The following USP47 variants were observed in gnomAD, a reference collection of about 807,000 sequenced individuals.
USP47 encodes the protein ubiquitin carboxyl-terminal hydrolase 47.
In USP47, 35 loss-of-function variants were observed where a neutral mutation model predicts 165.1. That is an observed-to-expected ratio of 0.21 (90% CI 0.16 to 0.28). The LOEUF (loss-of-function observed/expected upper bound fraction) is 0.28, where lower values mean the gene tolerates loss of function less well. Among genes scored for constraint, USP47 ranks in the 10% least tolerant of loss-of-function variants. The probability of loss-of-function intolerance (pLI) is 1.00; values close to 1 mark genes in which losing one functional copy is unlikely to be tolerated. For missense variants in USP47, 1,277 were observed against 1,607.4 expected, an observed-to-expected ratio of 0.79 and a Z score of 3.52; for synonymous variants, 531 against 544.5, an observed-to-expected ratio of 0.98 and a Z score of 0.35.
In USP47 at chr11:11,957,190, G is replaced by A. The variant is rs1172948246; in HGVS notation, c.*1015G>A. The A allele has an allele frequency of 6.6e-6, 1 of 152,152 alleles. No homozygotes were observed. Among genetic ancestry groups the A allele is most frequent in the African/African-American group, 2.4e-5 (1 of 41,436 alleles). 9.4% of individuals were successfully genotyped at this position (152,152 alleles called of 1,614,324 possible). A position where few individuals can be genotyped will look rare whatever the true frequency, so the allele number is the denominator to read the frequency against. ...CAAGTTTGAATCTTCTAGAATGCTTGTAAGTCCAGTTTTAATTTTTAGAGT... is the reference window on the plus strand; with the variant it reads ...CAAGTTTGAATCTTCTAGAATGCTTATAAGTCCAGTTTTAATTTTTAGAGT... On this transcript the variant is annotated 3_prime_UTR_variant, in exon 28 of 28. Coordinates refer to ENST00000527733, the MANE Select transcript of USP47 (RefSeq NM_001282659.2).
At chr11:11,911,529 T>C (rs2134515893) in intron 8 of USP47, among the ~76,000 whole-genome samples, 1 of 152,232 alleles carries the variant, frequency 6.6e-6, no homozygotes, top group South Asian at 2.1e-4. Context: ...TGTTACATTG[T>C]AATAAAAGTG....
At chr11:11,861,334 G>A (rs1000261045) in intron 1 of USP47, among the ~76,000 whole-genome samples, 11 of 152,124 alleles carry the variant, frequency 7.2e-5, no homozygotes, top group African/African-American at 2.7e-4. Context: ...GACCTCGGGT[G>A]ATTCGGCTGC....
chr11:11,887,932 A>G lies in USP47; in HGVS notation c.357+3352A>G, dbSNP rs1590307624. Among the ~76,000 whole-genome samples, 11 of 152,242 alleles carry G rather than the reference A, an allele frequency of 7.2e-5. 2 individuals carry two copies. Among genetic ancestry groups the G allele is most frequent in the South Asian group, 2.1e-4 (1 of 4,826 alleles). ...GAAATTCACTCAAAACCACATGACT[A>G]CAAAATTGAACAACCTGCTCCCAAA... is the stretch of plus-strand genomic sequence containing the variant. On this transcript the variant is annotated intron_variant, in intron 3 of 27. Coordinates refer to ENST00000527733, the MANE Select transcript of USP47 (RefSeq NM_001282659.2).
At position 11,920,140 on chromosome 11, in the gene USP47, A is replaced by AT. The variant is rs1853726010; in HGVS notation, c.970-9dup. The AT allele has an allele frequency of 1.3e-6, 2 of 1,547,204 alleles. No individual in the cohort carries two copies. On this transcript the variant is annotated splice_polypyrimidine_tract_variant and intron_variant, in intron 8 of 27. Transcript: ENST00000527733. Reference sequence around the variant, plus strand: ...AATATTTTAAGTAATTATAAAACAAATTTTTTTCTAACTAGGAAGAAGCAT... The same window carrying AT: ...AATATTTTAAGTAATTATAAAACAAATTTTTTTTCTAACTAGGAAGAAGCAT...
At chr11:11,849,110 A>G (rs2134128125) in intron 1 of USP47, among the ~76,000 whole-genome samples, 1 of 151,530 alleles carries the variant, frequency 6.6e-6, no homozygotes, top group African/African-American at 2.4e-5. Context: ...CTATTATTGC[A>G]CAAGCTGGTC....
intron 3 of USP47, among the ~76,000 whole-genome samples, chr11:11,889,283 A>C (rs530936474): frequency 6.6e-6 from 1 of 152,314 alleles, no homozygotes; most frequent in African/African-American, 2.4e-5. Context: ...AGATGACATG[A>C]TCCTGTATCT....
chr11:11,909,563 C>T (rs1049118729), intron 8 of USP47, among the ~76,000 whole-genome samples: 1 of 152,144 alleles, frequency 6.6e-6, no homozygotes, highest in Non-Finnish European at 1.5e-5. Context: ...ATTTTAGACA[C>T]TGTCTTTTTA....
intron 5 of USP47, among the ~76,000 whole-genome samples, chr11:11,900,657 T>C (rs537422694): frequency 6.6e-6 from 1 of 152,208 alleles, no homozygotes; most frequent in Non-Finnish European, 1.5e-5. Context: ...ATGATGATGG[T>C]GGCAGTGGTT....
intron 24 of USP47, chr11:11,951,871 T>G (rs1273447256): frequency 6.6e-6 from 1 of 152,158 alleles, no homozygotes; most frequent in Admixed American, 6.5e-5. Flanking sequence ...TCACTGTGCC[T>G]GGGTAAGTCA....
chr11:11,892,642 C>T (rs1172055927), intron 4 of USP47, among the ~76,000 whole-genome samples: 1 of 150,942 alleles, frequency 6.6e-6, no homozygotes, highest in African/African-American at 2.4e-5. Flanking sequence ...CAGACACCAT[C>T]TCTACAAAAA....
At chr11:11,937,120 T>C (rs1343501497) in intron 17 of USP47, among the ~76,000 whole-genome samples, 1 of 151,934 alleles carries the variant, frequency 6.6e-6, no homozygotes, top group Non-Finnish European at 1.5e-5. Context: ...AACCAAAATA[T>C]CATGCCCCTA....
At chr11:11,858,934 TTTTCTG>T (rs1282333736) in intron 1 of USP47, among the ~76,000 whole-genome samples, 1 of 152,230 alleles carries the variant, frequency 6.6e-6, no homozygotes, top group African/African-American at 2.4e-5. Flanking sequence ...TGCCAAACTC[TTTTCTG>T]AAATGGCTGT....
intron 11 of USP47, among the ~76,000 whole-genome samples, chr11:11,926,318 T>C (rs1854237882): frequency 6.6e-6 from 1 of 152,170 alleles, no homozygotes; most frequent in African/African-American, 2.4e-5. Flanking sequence ...TGGGGTTTTC[T>C]TTGTTGGGAG....
At chr11:11,941,256 G>A (rs374890005) in intron 19 of USP47, among the ~76,000 whole-genome samples, 4 of 151,918 alleles carry the variant, frequency 2.6e-5, no homozygotes, top group African/African-American at 9.6e-5. Context: ...GGGGATGTAC[G>A]TGTATATGTG....
rs370982544 is a variant in USP47, at chr11:11,931,729, G to A, written c.1651+978G>A. Among the ~76,000 whole-genome samples the A allele has an allele frequency of 1.5e-4, 23 of 152,128 alleles. No individual in the cohort carries two copies. In the East Asian group the frequency reaches 3.9e-3, roughly 26 times the overall value. ...AGAAACAACAGCTTTTACCTTTTAC[G>A]GACACATGCTGTTTTTGATAAAATT... On this transcript the variant is annotated intron_variant, in intron 14 of 27. Coordinates refer to ENST00000527733, the MANE Select transcript of USP47 (RefSeq NM_001282659.2).
chr11:11,935,860 T>C (rs754900964), intron 16 of USP47, among the ~76,000 whole-genome samples: 1 of 151,962 alleles, frequency 6.6e-6, no homozygotes, highest in Non-Finnish European at 1.5e-5. Context: ...GCTGTCCTCC[T>C]GTACTTAGAT....
At chr11:11,874,601 C>G (rs1184792674) in intron 1 of USP47, among the ~76,000 whole-genome samples, 2 of 151,142 alleles carry the variant, frequency 1.3e-5, no homozygotes, top group African/African-American at 2.4e-5. Context: ...CTCTTATTGC[C>G]TAGGCTGGAG....
At chr11:11,915,797 T>G (rs986409437) in intron 8 of USP47, among the ~76,000 whole-genome samples, 2 of 152,198 alleles carry the variant, frequency 1.3e-5, no homozygotes, top group Non-Finnish European at 2.9e-5. Context: ...AAACATCATG[T>G]TCCTGTATAT....
At chr11:11,895,309 A>T (rs2134402293) in intron 4 of USP47, among the ~76,000 whole-genome samples, 1 of 152,072 alleles carries the variant, frequency 6.6e-6, no homozygotes, top group Non-Finnish European at 1.5e-5. Context: ...CCCTTTCCCT[A>T]CCTGTACATT....
Sources: allele counts gnomAD v4.1 joint callset (sites outside exome capture counted in the v4.1 genomes callset), GRCh38; gene constraint gnomAD v4.1.1; transcripts MANE v1.5; gene names NCBI Gene and HGNC (gene_info 2026-07-23, HGNC 2026-07-21).